EIF3J: variants seen among roughly 807,000 people sequenced by gnomAD.
EIF3J encodes eukaryotic translation initiation factor 3, subunit 1 (alpha, 35kD).
A neutral mutation model predicts 39.0 loss-of-function variants in EIF3J; 15 were observed. The ratio of observed to expected loss-of-function variants is 0.38; its 90% confidence interval spans 0.26 to 0.59. The LOEUF (loss-of-function observed/expected upper bound fraction) is 0.59. EIF3J is among the 20% of genes least tolerant of loss of function. The probability of loss-of-function intolerance (pLI) is 0.60; values close to 1 mark genes in which losing one functional copy is unlikely to be tolerated. For missense variants in EIF3J, 226 were observed against 308.6 expected, an observed-to-expected ratio of 0.73 and a Z score of 2.00; for synonymous variants, 98 against 112.9, an observed-to-expected ratio of 0.87 and a Z score of 0.84.
At chr15:44,556,759 G>T (rs1317483813) in intron 5 of EIF3J, among the ~76,000 whole-genome samples, 1 of 152,110 alleles carries the variant, frequency 6.6e-6, no homozygotes, top group East Asian at 1.9e-4. Flanking sequence ...TGATCGGCCT[G>T]CCTAGGCCTC....
At chr15:44,555,531 G>A (rs2082137282) in intron 5 of EIF3J, among the ~76,000 whole-genome samples, 1 of 152,164 alleles carries the variant, frequency 6.6e-6, no homozygotes. Context: ...TGATGTGAAT[G>A]CTCCTGTGCA....
chr15:44,545,560 A>G (rs1240690362), intron 2 of EIF3J, among the ~76,000 whole-genome samples: 5 of 152,252 alleles, frequency 3.3e-5, no homozygotes, highest in Non-Finnish European at 7.3e-5. Flanking sequence ...TTAGTTATTT[A>G]AAACTTTTTT....
rs532356338 is a variant in EIF3J at position 44,538,455 on chromosome 15, A to C, written c.147+1028A>C. On this transcript the variant is annotated intron_variant, in intron 2 of 7. Transcript: ENST00000261868. ...TGCCTAATTTAGTGAATTTCTCCTA[A>C]TTTATAAACACAAACGGAGAACCCT... 1.1e-3 allele frequency among the ~76,000 whole-genome samples: 169 copies of C among 152,234 alleles called. 1 individual carries two copies. Among genetic ancestry groups the C allele is most frequent in the African/African-American group, 3.9e-3 (164 of 41,532 alleles).
At chr15:44,556,790 G>A (rs1259164266) in intron 5 of EIF3J, among the ~76,000 whole-genome samples, 4 of 151,908 alleles carry the variant, frequency 2.6e-5, no homozygotes, top group Non-Finnish European at 5.9e-5. Context: ...GGGATTACGG[G>A]TGTTAGCCAC....
At chr15:44,554,394 A>AC (rs1208909472) in intron 4 of EIF3J, among the ~76,000 whole-genome samples, 159 bp from the exon 5 acceptor site, 3 of 151,666 alleles carry the variant, frequency 2.0e-5, no homozygotes, top group Admixed American at 2.0e-4. Flanking sequence ...AAAAAAAAAA[A>AC]AAAAAACTAA....
At chr15:44,543,097 C>G (rs1191545444) in intron 2 of EIF3J, among the ~76,000 whole-genome samples, 2 of 152,188 alleles carry the variant, frequency 1.3e-5, no homozygotes, top group Non-Finnish European at 2.9e-5. Flanking sequence ...TTTTTTGAAG[C>G]AGCGTGGTGA....
intron 2 of EIF3J, among the ~76,000 whole-genome samples, chr15:44,544,674 A>G (rs1183189752): frequency 7.1e-6 from 1 of 140,992 alleles, no homozygotes; most frequent in African/African-American, 2.7e-5. Flanking sequence ...ATTGCACTCC[A>G]GCCTGGGCAA....
chr15:44,561,226 A>T lies in EIF3J; in HGVS notation c.*77A>T, dbSNP rs2082191726. On this transcript the variant is annotated 3_prime_UTR_variant, in exon 8 of 8. Coordinates refer to ENST00000261868, the MANE Select transcript of EIF3J (RefSeq NM_003758.4). Reference sequence around the variant, plus strand: ...ATGTAGCACAACTTCCTTTCCTTTCAGTTCTGCCAAATGCTACAATCAGAA... The same window carrying T: ...ATGTAGCACAACTTCCTTTCCTTTCTGTTCTGCCAAATGCTACAATCAGAA... 6.7e-7 allele frequency: 1 copy of T among 1,497,762 alleles called. No individual in the cohort carries two copies. The highest frequency in any genetic ancestry group is 1.4e-5 in the African/African-American group (1 of 71,872). 92.8% of individuals were successfully genotyped at this position (1,497,762 alleles called of 1,614,324 possible).
At chr15:44,537,485 GACTCTGGGCCC>G in intron 2 of EIF3J, 58 bp downstream of exon 2, 1 of 1,428,914 alleles carries the variant, frequency 7.0e-7, no homozygotes, top group Non-Finnish European at 9.1e-7. Flanking sequence ...GTTGCCGGCC[GACTCTGGGCCC>G]CGGGTCGCTG....
intron 4 of EIF3J, among the ~76,000 whole-genome samples, chr15:44,551,983 G>A (rs2082102714): frequency 6.6e-6 from 1 of 151,564 alleles, no homozygotes; most frequent in African/African-American, 2.4e-5. Context: ...GAGCCACGGC[G>A]AGCTAATTTT....
intron 2 of EIF3J, among the ~76,000 whole-genome samples, chr15:44,550,287 T>A (rs1330494914): frequency 6.6e-6 from 1 of 151,898 alleles, no homozygotes; most frequent in African/African-American, 2.4e-5. Context: ...CAATAGTCAT[T>A]TTTGTTTATT....
At chr15:44,548,340 A>G (rs1015174893) in intron 2 of EIF3J, among the ~76,000 whole-genome samples, 5 of 152,154 alleles carry the variant, frequency 3.3e-5, no homozygotes, top group African/African-American at 1.2e-4. Flanking sequence ...ACTTGAACCC[A>G]GGAGGCAGAG....
rs1366333479 is a variant in EIF3J, at chr15:44,540,036, T to C, written c.147+2609T>C. 9.4e-5 allele frequency among the ~76,000 whole-genome samples: 14 copies of C among 149,276 alleles called. 1 individual carries two copies. Among genetic ancestry groups the C allele is most frequent in the Admixed American group, 8.0e-4 (12 of 14,928 alleles). On this transcript the variant is annotated intron_variant, in intron 2 of 7. Transcript: ENST00000261868. ...CTCACTGCAACCTCCGCCTCCCAGGTTCAAGCAGTTCTCTGCCTCAGCCTC... is the reference window on the plus strand; with the variant it reads ...CTCACTGCAACCTCCGCCTCCCAGGCTCAAGCAGTTCTCTGCCTCAGCCTC...
intron 6 of EIF3J, among the ~76,000 whole-genome samples, chr15:44,558,330 G>T (rs543261502): frequency 1.6e-4 from 24 of 152,136 alleles, no homozygotes; most frequent in Admixed American, 4.6e-4. Flanking sequence ...CTGGTCTGGC[G>T]CAGTGGCTCA....
intron 2 of EIF3J, among the ~76,000 whole-genome samples, chr15:44,542,144 AAATG>A: frequency 6.6e-6 from 1 of 152,202 alleles, no homozygotes; most frequent in Middle Eastern, 3.2e-3. Flanking sequence ...GAATTGAATT[AAATG>A]AAGTAGAATT....
At chr15:44,555,035 G>A (rs1274965091) in intron 5 of EIF3J, among the ~76,000 whole-genome samples, 2 of 152,196 alleles carry the variant, frequency 1.3e-5, no homozygotes, top group African/African-American at 2.4e-5. Flanking sequence ...GACTTAGACA[G>A]TAGGATGTTG....
rs539428245 is a variant in EIF3J at position 44,538,127 on chromosome 15, A to G, written c.147+700A>G. ...ACACACATACGACACCTAAGGAAAT[A>G]TTGAAGATTTGGTGGTGGTTGTAGA... On this transcript the variant is annotated intron_variant, in intron 2 of 7. Transcript: ENST00000261868. Among the ~76,000 whole-genome samples, 120 of 152,104 alleles carry G rather than the reference A, an allele frequency of 7.9e-4. 3 individuals carry two copies. The South Asian group carries it at 0.025, about 31-fold the overall frequency.
At chr15:44,539,226 A>ATGTTG (rs2081987699) in intron 2 of EIF3J, among the ~76,000 whole-genome samples, 1 of 150,420 alleles carries the variant, frequency 6.6e-6, no homozygotes, top group Admixed American at 6.6e-5. Context: ...GGGTTTCGCC[A>ATGTTG]TGTTGCCCAG....
intron 4 of EIF3J, among the ~76,000 whole-genome samples, chr15:44,552,283 C>T (rs1031611158): frequency 4.6e-5 from 7 of 152,000 alleles, no homozygotes; most frequent in South Asian, 2.1e-4. Flanking sequence ...AGTCTCACTC[C>T]GTTACCTAGG....
Sources: allele counts gnomAD v4.1 joint callset (sites outside exome capture counted in the v4.1 genomes callset), GRCh38; gene constraint gnomAD v4.1.1; transcripts MANE v1.5; gene names NCBI Gene and HGNC (gene_info 2026-07-23, HGNC 2026-07-21).